Variants in EIF4E observed in about 807,000 individuals in gnomAD.
EIF4E encodes the protein eukaryotic translation initiation factor 4E.
For missense variants in EIF4E, 113 were observed against 265.6 expected (o/e 0.43, Z 3.99); for synonymous variants, 71 against 88.5 (o/e 0.80, Z 1.11).
chr4:98,886,816 G>A (rs548630862), intron 5 of EIF4E: 4 of 435,984 alleles, frequency 9.2e-6, no homozygotes, highest in Non-Finnish European at 1.7e-5. Flanking sequence ...ATAATTTTGA[G>A]GTTAATGAAA....
At chr4:98,920,306 C>CTT (rs958184205) in intron 1 of EIF4E, among the ~76,000 whole-genome samples, 2 of 145,416 alleles carry the variant, frequency 1.4e-5, no homozygotes, top group Non-Finnish European at 1.5e-5. Context: ...ATTCTTTTTT[C>CTT]TTTTTTTTTT....
At chr4:98,928,825 C>T (rs781471813) in intron 1 of EIF4E, 44 of 1,521,862 alleles carry the variant, frequency 2.9e-5, no homozygotes, top group Non-Finnish European at 3.6e-5. Context: ...CCTGTAGACA[C>T]CTCGCGGTTC....
At position 98,928,784 on chromosome 4, in the gene EIF4E, T is replaced by A; in HGVS notation, c.18+311A>T. On this transcript the variant is annotated intron_variant, in intron 1 of 6. Coordinates refer to ENST00000450253, the MANE Select transcript of EIF4E (RefSeq NM_001968.5). ...CTATCATGAAGACACCATCCTCGCA[T>A]ACCCAGCCCAGAACCCCAGCTACCC... The A allele has an allele frequency of 2.2e-6, 3 of 1,387,804 alleles. No individual in the cohort carries two copies. The South Asian group carries it at 4.3e-5, about 20-fold the overall frequency. 86.0% of individuals were successfully genotyped at this position (1,387,804 alleles called of 1,614,324 possible).
chr4:98,925,337 C>A (rs1725823320), intron 1 of EIF4E, among the ~76,000 whole-genome samples: 1 of 152,074 alleles, frequency 6.6e-6, no homozygotes, highest in Admixed American at 6.6e-5. Flanking sequence ...TTTTTTAATT[C>A]TAATAATGAA....
chr4:98,901,477 C>T (rs192152351), intron 2 of EIF4E, among the ~76,000 whole-genome samples: 3 of 152,158 alleles, frequency 2.0e-5, no homozygotes, highest in Admixed American at 1.3e-4. Context: ...TCCTGAAGTG[C>T]TGGGTTTACA....
At chr4:98,917,647 G>T (rs1044515250) in intron 1 of EIF4E, among the ~76,000 whole-genome samples, 44 of 152,250 alleles carry the variant, frequency 2.9e-4, no homozygotes, top group African/African-American at 9.6e-4. Flanking sequence ...AAAAGCAAGG[G>T]AATGCTTGAC....
chr4:98,911,221 G>A (rs940726208), intron 1 of EIF4E, among the ~76,000 whole-genome samples: 1 of 150,456 alleles, frequency 6.6e-6, no homozygotes, highest in African/African-American at 2.4e-5. Flanking sequence ...GCTAATTTTT[G>A]TATTTTTAGT....
At chr4:98,915,159 T>G (rs1231681536) in intron 1 of EIF4E, among the ~76,000 whole-genome samples, 1 of 152,130 alleles carries the variant, frequency 6.6e-6, no homozygotes, top group Non-Finnish European at 1.5e-5. Flanking sequence ...TCATGTTGCC[T>G]AGGCTGGTCT....
At chr4:98,884,790 A>G (rs2110176769) in intron 6 of EIF4E, 132 bp downstream of exon 6, 2 of 1,256,290 alleles carry the variant, frequency 1.6e-6, no homozygotes, top group African/African-American at 1.5e-5. Context: ...CAAAATTATA[A>G]AAGTGTTCAC....
At chr4:98,916,277 T>C (rs1275103449) in intron 1 of EIF4E, among the ~76,000 whole-genome samples, 3 of 111,102 alleles carry the variant, frequency 2.7e-5, no homozygotes, top group Non-Finnish European at 5.2e-5. Flanking sequence ...AAAATGAACA[T>C]TCAGAGGACA....
chr4:98,902,732 G>A (rs558356642), intron 1 of EIF4E, among the ~76,000 whole-genome samples: 3 of 152,222 alleles, frequency 2.0e-5, no homozygotes, highest in Non-Finnish European at 4.4e-5. Flanking sequence ...ACTGTGGTGC[G>A]TCTCTACAAT....
At chr4:98,882,714 A>C (rs1233140390) in intron 6 of EIF4E, among the ~76,000 whole-genome samples, 1 of 152,054 alleles carries the variant, frequency 6.6e-6, no homozygotes, top group Non-Finnish European at 1.5e-5. Flanking sequence ...GCAAATTGGA[A>C]GGTTAAAAAA....
At chr4:98,921,426 T>C (rs1233782653) in intron 1 of EIF4E, among the ~76,000 whole-genome samples, 1 of 151,872 alleles carries the variant, frequency 6.6e-6, no homozygotes, top group Admixed American at 6.6e-5. Context: ...TGGAGTGCAA[T>C]GTCATCATCT....
chr4:98,919,558 C>CTTTTTT (rs532537834), intron 1 of EIF4E, among the ~76,000 whole-genome samples: 28 of 131,866 alleles, frequency 2.1e-4, no homozygotes, highest in South Asian at 2.5e-4. Flanking sequence ...GATTCTTTTT[C>CTTTTTT]TTTTTTTTTT....
intron 2 of EIF4E, among the ~76,000 whole-genome samples, chr4:98,900,332 G>A (rs912908647): frequency 6.6e-6 from 1 of 152,124 alleles, no homozygotes; most frequent in African/African-American, 2.4e-5. Flanking sequence ...AATCTCCATT[G>A]TCTAAAAAAC....
Position 98,917,712 on chromosome 4 carries a change from C to T in EIF4E, c.18+11383G>A, listed in dbSNP as rs1466325172. On this transcript the variant is annotated intron_variant, in intron 1 of 6. Transcript: ENST00000450253. ...GGCCAAAGATACAAGAATGTGATCA[C>T]GGGAGTATTAAAAAAGCTGAAATGC... Among the ~76,000 whole-genome samples the T allele has an allele frequency of 2.0e-5, 3 of 152,204 alleles. No individual in the cohort carries two copies. In the South Asian group the frequency reaches 6.2e-4, roughly 32 times the overall value.
chr4:98,894,325 T>G (rs1455248870), intron 2 of EIF4E, among the ~76,000 whole-genome samples: 1 of 152,230 alleles, frequency 6.6e-6, no homozygotes, highest in Non-Finnish European at 1.5e-5. Flanking sequence ...AGGCAATGAC[T>G]TCTCTCTAAC....
intron 1 of EIF4E, among the ~76,000 whole-genome samples, chr4:98,918,208 C>T (rs1448116080): frequency 6.6e-6 from 1 of 151,706 alleles, no homozygotes; most frequent in Non-Finnish European, 1.5e-5. Flanking sequence ...ACTAAAAACA[C>T]AAACAATTAG....
intron 1 of EIF4E, among the ~76,000 whole-genome samples, chr4:98,912,738 T>C (rs1038785626): frequency 6.6e-6 from 1 of 152,200 alleles, no homozygotes; most frequent in African/African-American, 2.4e-5. Context: ...CCTTAAAGCT[T>C]TATAAGAAGT....
Sources: gnomAD v4.1 joint callset for allele counts (sites outside exome capture counted in the v4.1 genomes callset) on GRCh38, gnomAD v4.1.1 for gene constraint, MANE v1.5 for transcripts, NCBI Gene and HGNC (gene_info 2026-07-23, HGNC 2026-07-21) for gene names.